The following ARHGAP24 variants were observed in gnomAD, a reference collection of about 807,000 sequenced individuals.
ARHGAP24 encodes Rho GTPase activating protein 24.
In ARHGAP24, 50 loss-of-function variants were observed where a neutral mutation model predicts 76.4. That is an observed-to-expected ratio of 0.65 (90% CI 0.52 to 0.83). ARHGAP24 has a LOEUF of 0.83. Ranked by LOEUF, ARHGAP24 falls within the 40% of genes least tolerant of loss-of-function variation. The pLI, the probability that ARHGAP24 is intolerant of heterozygous loss-of-function variation, is 0.00. For synonymous variants in ARHGAP24, 345 were observed against 323.3 expected, an observed-to-expected ratio of 1.07 and a Z score of -0.72; for missense variants, 930 against 914.2, an observed-to-expected ratio of 1.02 and a Z score of -0.22.
intron 3 of ARHGAP24, among the ~76,000 whole-genome samples, chr4:85,821,548 T>A (rs1203641250): frequency 3.9e-5 from 6 of 152,144 alleles, no homozygotes; most frequent in Non-Finnish European, 7.3e-5. Flanking sequence ...TTTAATTTTT[T>A]AAAAATACTT....
At chr4:85,507,231 T>TA in intron 1 of ARHGAP24, among the ~76,000 whole-genome samples, 1 of 151,542 alleles carries the variant, frequency 6.6e-6, no homozygotes, top group South Asian at 2.1e-4. Flanking sequence ...TTATTATTAT[T>TA]TTTTTTTAGA....
chr4:85,941,404 T>C (rs1462916328), intron 4 of ARHGAP24, among the ~76,000 whole-genome samples: 2 of 152,198 alleles, frequency 1.3e-5, no homozygotes, highest in Non-Finnish European at 2.9e-5. Context: ...TAAAATACCC[T>C]ACCTGTTAGG....
chr4:85,932,738 G>A (rs1363138276), intron 4 of ARHGAP24, among the ~76,000 whole-genome samples: 1 of 152,206 alleles, frequency 6.6e-6, no homozygotes. Flanking sequence ...TTACAAAGCT[G>A]TATTCTGTCG....
intron 3 of ARHGAP24, among the ~76,000 whole-genome samples, chr4:85,912,148 G>C (rs949195156): frequency 6.6e-6 from 1 of 152,208 alleles, no homozygotes; most frequent in Non-Finnish European, 1.5e-5. Flanking sequence ...TATCAAATGA[G>C]TTAAGAAAAT....
intron 3 of ARHGAP24, among the ~76,000 whole-genome samples, chr4:85,859,556 A>G (rs980580026): frequency 1.3e-5 from 2 of 152,146 alleles, no homozygotes; most frequent in South Asian, 2.1e-4. Flanking sequence ...TTCTCTATAA[A>G]TAAGCCACAT....
At chr4:85,877,809 A>G (rs1733027060) in intron 3 of ARHGAP24, among the ~76,000 whole-genome samples, 1 of 152,172 alleles carries the variant, frequency 6.6e-6, no homozygotes, top group Non-Finnish European at 1.5e-5. Flanking sequence ...TAATTCATTT[A>G]TGTTTACTAC....
Position 85,728,743 on chromosome 4 carries a change from G to A in ARHGAP24, c.268+6771G>A, listed in dbSNP as rs147091965. The stretch of plus-strand genomic sequence containing the variant: ...AAATAGTTATGAGATAGATTCATGG[G>A]TGTCTCTGGGAAAGAAAAAAGTTTG... On this transcript the variant is annotated intron_variant, in intron 3 of 9. Transcript: ENST00000395184. Among the ~76,000 whole-genome samples the A allele has an allele frequency of 4.2e-3, 644 of 152,238 alleles. 19 individuals carry two copies. In the East Asian group the frequency reaches 0.06, roughly 14 times the overall value.
chr4:85,616,377 T>G, intron 2 of ARHGAP24, among the ~76,000 whole-genome samples: 1 of 152,324 alleles, frequency 6.6e-6, no homozygotes. Context: ...GTTTGACATT[T>G]GAAAGAAAAC....
chr4:85,533,808 G>A (rs193058341), intron 1 of ARHGAP24, among the ~76,000 whole-genome samples: 246 of 152,036 alleles, frequency 1.6e-3, no homozygotes, highest in Non-Finnish European at 3.0e-3. Context: ...AATGTAATAA[G>A]ATCCCACTAA....
intron 1 of ARHGAP24, among the ~76,000 whole-genome samples, chr4:85,546,982 A>G (rs1351712686): frequency 1.3e-5 from 2 of 152,174 alleles, no homozygotes; most frequent in Non-Finnish European, 2.9e-5. Context: ...CCCTTTACCC[A>G]TAAATTCTTG....
intron 5 of ARHGAP24, among the ~76,000 whole-genome samples, chr4:85,964,064 A>G (rs1321247868): frequency 6.6e-6 from 1 of 152,140 alleles, no homozygotes; most frequent in Non-Finnish European, 1.5e-5. Flanking sequence ...GAACTTAAGC[A>G]TTGTCAGTAA....
At chr4:85,933,638 A>G (rs1262553377) in intron 4 of ARHGAP24, among the ~76,000 whole-genome samples, 1 of 152,204 alleles carries the variant, frequency 6.6e-6, no homozygotes, top group Non-Finnish European at 1.5e-5. Flanking sequence ...GATAAAGATT[A>G]TAAGTGAATT....
chr4:85,999,021 T>C (rs1260995808), intron 9 of ARHGAP24, among the ~76,000 whole-genome samples: 1 of 152,228 alleles, frequency 6.6e-6, no homozygotes, highest in East Asian at 1.9e-4. Flanking sequence ...TTTAAAAATA[T>C]ATTTCTTAAA....
At chr4:85,801,238 A>G (rs552634718) in intron 3 of ARHGAP24, among the ~76,000 whole-genome samples, 9 of 152,310 alleles carry the variant, frequency 5.9e-5, no homozygotes, top group African/African-American at 2.2e-4. Context: ...TTCTCCTATT[A>G]TAATGCCCAC....
intron 4 of ARHGAP24, among the ~76,000 whole-genome samples, chr4:85,927,959 A>C (rs1222484998): frequency 6.6e-6 from 1 of 152,186 alleles, no homozygotes; most frequent in African/African-American, 2.4e-5. Flanking sequence ...TGTAAATAAA[A>C]TGTAGGGTTT....
chr4:85,624,863 A>T (rs952097284), intron 2 of ARHGAP24, among the ~76,000 whole-genome samples: 10 of 152,098 alleles, frequency 6.6e-5, no homozygotes, highest in African/African-American at 2.4e-4. Flanking sequence ...ATTTGCATAG[A>T]GGTGTTTGCA....
intron 1 of ARHGAP24, among the ~76,000 whole-genome samples, chr4:85,550,090 A>G (rs1045178521): frequency 2.0e-5 from 3 of 152,198 alleles, no homozygotes; most frequent in African/African-American, 7.2e-5. Context: ...TTATGGTAAA[A>G]TGATTTATAT....
chr4:85,914,216 A>C (rs1377501396), intron 3 of ARHGAP24, among the ~76,000 whole-genome samples: 1 of 152,246 alleles, frequency 6.6e-6, no homozygotes, highest in Non-Finnish European at 1.5e-5. Flanking sequence ...CACTGAAGGA[A>C]TAAGACATGA....
intron 8 of ARHGAP24, 108 bp from the exon 9 acceptor site, chr4:85,994,475 T>C: frequency 9.1e-7 from 1 of 1,099,776 alleles, no homozygotes; most frequent in East Asian, 2.4e-5. Flanking sequence ...TTGGTACTGA[T>C]AATAATAATG....
Sources: gnomAD v4.1 joint callset for allele counts (sites outside exome capture counted in the v4.1 genomes callset) on GRCh38, gnomAD v4.1.1 for gene constraint, MANE v1.5 for transcripts, NCBI Gene and HGNC (gene_info 2026-07-23, HGNC 2026-07-21) for gene names.